NRXN3: variants seen among roughly 807,000 people sequenced by gnomAD.
NRXN3 encodes the protein neurexin 3.
In NRXN3, 32 loss-of-function variants were observed where a neutral mutation model predicts 137.6. That is an observed-to-expected ratio of 0.23 (90% CI 0.18 to 0.31). NRXN3 has a LOEUF of 0.31. NRXN3 is among the 10% of genes least tolerant of loss of function. NRXN3 has a pLI of 1.00. For synonymous variants in NRXN3, 798 were observed against 784.5 expected, an observed-to-expected ratio of 1.02 and a Z score of -0.29; for missense variants, 1,574 against 2,062.5, an observed-to-expected ratio of 0.76 and a Z score of 4.59.
intron 15 of NRXN3, among the ~76,000 whole-genome samples, chr14:79,016,918 C>T (rs1371619023): frequency 6.6e-6 from 1 of 152,108 alleles, no homozygotes. Flanking sequence ...GAGTAGACTC[C>T]AGAGTATCAG....
chr14:79,522,404 G>A (rs1211895928), intron 16 of NRXN3, among the ~76,000 whole-genome samples: 2 of 152,044 alleles, frequency 1.3e-5, no homozygotes, highest in Non-Finnish European at 2.9e-5. Flanking sequence ...CATCTCTGCT[G>A]TTACAGTACA....
intron 19 of NRXN3, among the ~76,000 whole-genome samples, chr14:79,795,428 TTC>T (rs1366514596): frequency 6.6e-6 from 1 of 152,118 alleles, no homozygotes; most frequent in Non-Finnish European, 1.5e-5. Flanking sequence ...CCTCCCACAT[TTC>T]TCTGTGGGAG....
chr14:79,029,177 G>A (rs2099603378), intron 15 of NRXN3, among the ~76,000 whole-genome samples: 1 of 152,008 alleles, frequency 6.6e-6, no homozygotes, highest in South Asian at 2.1e-4. Flanking sequence ...AGGAAATATG[G>A]TATATCAGTT....
At chr14:79,759,868 T>C (rs2099032420) in intron 19 of NRXN3, among the ~76,000 whole-genome samples, 2 of 151,822 alleles carry the variant, frequency 1.3e-5, no homozygotes, top group East Asian at 1.9e-4. Flanking sequence ...TATATCTATA[T>C]GACATTTGAA....
chr14:78,815,372 T>G (rs766679909), intron 10 of NRXN3, among the ~76,000 whole-genome samples: 1 of 152,046 alleles, frequency 6.6e-6, no homozygotes, highest in Non-Finnish European at 1.5e-5. Context: ...CTCAGAGATG[T>G]ATGAAAATAA....
intron 4 of NRXN3, among the ~76,000 whole-genome samples, chr14:78,342,701 C>G (rs2082270815): frequency 6.6e-6 from 1 of 152,148 alleles, no homozygotes; most frequent in Non-Finnish European, 1.5e-5. Context: ...TTACTCATTA[C>G]TCATGTGTCT....
At chr14:78,950,251 A>G (rs1029363736) in intron 10 of NRXN3, among the ~76,000 whole-genome samples, 2 of 152,180 alleles carry the variant, frequency 1.3e-5, no homozygotes, top group Non-Finnish European at 2.9e-5. Flanking sequence ...AGATTATCGC[A>G]AGAAAGCTTG....
At chr14:78,229,563 C>T (rs2065106157) in intron 1 of NRXN3, among the ~76,000 whole-genome samples, 1 of 152,096 alleles carries the variant, frequency 6.6e-6, no homozygotes, top group Non-Finnish European at 1.5e-5. Context: ...GGGTGAAGTT[C>T]TAGAACTGGT....
At chr14:79,849,451 C>A (rs1048024480) in intron 20 of NRXN3, among the ~76,000 whole-genome samples, 3 of 151,972 alleles carry the variant, frequency 2.0e-5, no homozygotes, top group Non-Finnish European at 2.9e-5. Flanking sequence ...CAAAGTAACC[C>A]GAATAGACAT....
At chr14:79,565,486 G>T (rs189534005) in intron 16 of NRXN3, among the ~76,000 whole-genome samples, 2 of 151,846 alleles carry the variant, frequency 1.3e-5, no homozygotes, top group African/African-American at 4.8e-5. Context: ...CTTGCCACGG[G>T]TAGAGGAGCT....
rs184477096 is a variant in NRXN3, at chr14:79,805,102, A to G, written c.4015-10A>G. The stretch of plus-strand genomic sequence containing the variant: ...CCCCTACCCCATTATTTTCTCTTTG[A>G]CATAAACAGCCAACATCAGATGATC... On this transcript the variant is annotated splice_polypyrimidine_tract_variant and intron_variant, in intron 19 of 20. Coordinates refer to ENST00000335750, the MANE Select transcript of NRXN3 (RefSeq NM_001330195.2). 1.4e-5 allele frequency: 23 copies of G among 1,602,784 alleles called. No individual in the cohort carries two copies. The African/African-American group carries it at 2.7e-4, about 19-fold the overall frequency.
At chr14:79,700,941 A>G (rs1325488797) in intron 19 of NRXN3, among the ~76,000 whole-genome samples, 1 of 152,126 alleles carries the variant, frequency 6.6e-6, no homozygotes, top group Non-Finnish European at 1.5e-5. Context: ...GCATTGAGAA[A>G]GCAGGTGTGT....
intron 4 of NRXN3, among the ~76,000 whole-genome samples, chr14:78,441,286 C>T (rs1175461676): frequency 1.3e-5 from 2 of 152,172 alleles, no homozygotes; most frequent in Admixed American, 6.5e-5. Context: ...TCTTTCTCCT[C>T]CCTATTTTCT....
chr14:79,645,356 T>C (rs1249165064), intron 16 of NRXN3, among the ~76,000 whole-genome samples: 1 of 134,594 alleles, frequency 7.4e-6, no homozygotes, highest in African/African-American at 2.5e-5. Flanking sequence ...ATAGTTGTAT[T>C]CATAATCCCA....
rs1316583944 is a variant in NRXN3, at chr14:78,318,184, C to T, written c.757+20324C>T. On this transcript the variant is annotated intron_variant, in intron 4 of 20. Transcript: ENST00000335750. ...GGAGCTTGTGTGCCAGCATAGGTAA[C>T]ATTTGGAAGCAGAGAGGTGAAAGGG... Among the ~76,000 whole-genome samples, 4 of 152,130 alleles carry T rather than the reference C, an allele frequency of 2.6e-5. No homozygotes were observed. The East Asian group carries it at 7.7e-4, about 29-fold the overall frequency.
At chr14:79,160,637 G>A (rs1436275471) in intron 15 of NRXN3, among the ~76,000 whole-genome samples, 5 of 151,484 alleles carry the variant, frequency 3.3e-5, no homozygotes, top group Non-Finnish European at 7.4e-5. Flanking sequence ...CGTGACTCAC[G>A]AAAAAATTAT....
At chr14:78,336,761 G>T (rs2081524531) in intron 4 of NRXN3, among the ~76,000 whole-genome samples, 1 of 152,076 alleles carries the variant, frequency 6.6e-6, no homozygotes, top group African/African-American at 2.4e-5. Context: ...ATCCACATAT[G>T]ACCACCCCCA....
intron 15 of NRXN3, among the ~76,000 whole-genome samples, chr14:79,244,823 T>A (rs1315285006): frequency 6.6e-6 from 1 of 152,168 alleles, no homozygotes; most frequent in Non-Finnish European, 1.5e-5. Context: ...TGATTTCAAC[T>A]CATTTGTATG....
At chr14:79,026,359 G>A (rs1303245740) in intron 15 of NRXN3, among the ~76,000 whole-genome samples, 1 of 152,014 alleles carries the variant, frequency 6.6e-6, no homozygotes, top group East Asian at 1.9e-4. Flanking sequence ...CTAAACATTT[G>A]GCTTAATAAT....
Sources: gnomAD v4.1 joint callset for allele counts (sites outside exome capture counted in the v4.1 genomes callset) on GRCh38, gnomAD v4.1.1 for gene constraint, MANE v1.5 for transcripts, NCBI Gene and HGNC (gene_info 2026-07-23, HGNC 2026-07-21) for gene names.